The following SDK1 variants were observed in gnomAD, a reference collection of about 807,000 sequenced individuals.
The protein encoded by SDK1 is sidekick cell adhesion molecule 1.
Under a neutral mutation model 245.5 loss-of-function variants are expected in SDK1, and 157 were observed. That is an observed-to-expected ratio of 0.64 (90% CI 0.56 to 0.73). SDK1 has a LOEUF of 0.73. SDK1 is among the 30% of genes least tolerant of loss of function. The pLI is 0.00. For missense variants in SDK1, 3,583 were observed against 3,002.3 expected, an observed-to-expected ratio of 1.19 and a Z score of -4.52; for synonymous variants, 1,647 against 1,278.5, an observed-to-expected ratio of 1.29 and a Z score of -6.15.
rs1779590456 is a variant in SDK1 at position 4,062,267 on chromosome 7, C to T, written c.2912-5571C>T. Among the ~76,000 whole-genome samples, 3 of 152,028 alleles carry T rather than the reference C, an allele frequency of 2.0e-5. No homozygotes were observed. In the South Asian group the frequency reaches 6.2e-4, roughly 32 times the overall value. ...ACTTAAGGAAACAAAATCAGAAATG[C>T]AAAAGGAGACATTATAACTGATACC... On this transcript the variant is annotated intron_variant, in intron 19 of 44. Transcript: ENST00000404826.
chr7:4,209,993 T>C lies in SDK1; in HGVS notation c.5402-32T>C, dbSNP rs114413870. The C allele has an allele frequency of 2.0e-3, 3,027 of 1,528,748 alleles. 65 individuals are homozygous for C. In the African/African-American group the frequency reaches 0.038, roughly 19 times the overall value. The allele number at this position is 1,528,748 out of a possible 1,614,324, so 94.7% of individuals were successfully genotyped here. A position where few individuals can be genotyped will look rare whatever the true frequency, so the allele number is the denominator to read the frequency against. On this transcript the variant is annotated intron_variant, in intron 37 of 44. Transcript: ENST00000404826. ...TGTATATGATCTATGTAGGAGCCCC[T>C]GTAAAAGTCACTTTGTGTTCTATTC...
intron 42 of SDK1, among the ~76,000 whole-genome samples, chr7:4,241,197 G>A (rs370185736): frequency 1.3e-5 from 2 of 152,162 alleles, no homozygotes; most frequent in African/African-American, 4.8e-5. Flanking sequence ...TAGAACGTTC[G>A]TGTCACCTCA....
At position 4,129,920 on chromosome 7, in the gene SDK1, G is replaced by T. The variant is rs747362513; in HGVS notation, c.3952G>T (p.Ala1318Ser). 9 of 1,613,592 alleles carry T rather than the reference G, an allele frequency of 5.6e-6. No homozygotes were observed. The highest frequency in any genetic ancestry group is 3.3e-5 in the South Asian group (3 of 91,080). The change falls in exon 27 of 45, where the codon GCC (alanine) becomes TCC (serine). Residue 1318 changes from alanine (A) to serine (S), a missense_variant. Physicochemically the swap from Ala to Ser is moderately conservative, Grantham distance 99. Coordinates refer to ENST00000404826, the MANE Select transcript of SDK1 (RefSeq NM_152744.4). Reference sequence around the variant, plus strand: ...GTCGATACCACAGATCCTGTTCCGGGCCAAAGACCTGGATCCCGAGCCCAG... The same window carrying T: ...GTCGATACCACAGATCCTGTTCCGGTCCAAAGACCTGGATCCCGAGCCCAG... ...LILGYKILFR[A>S]KDLDPEPRSH...
chr7:4,158,089 G>A (rs569754381), intron 30 of SDK1, among the ~76,000 whole-genome samples: 3 of 152,178 alleles, frequency 2.0e-5, no homozygotes, highest in Admixed American at 6.5e-5. Flanking sequence ...CCAGTGAGGG[G>A]TTGGCACTGC....
At chr7:4,252,859 T>G (rs1387928461) in intron 44 of SDK1, among the ~76,000 whole-genome samples, 1 of 149,762 alleles carries the variant, frequency 6.7e-6, no homozygotes, top group African/African-American at 2.5e-5. Context: ...TAAGTCAGTG[T>G]CACTCATTTG....
chr7:3,456,567 A>G (rs1397278185), intron 1 of SDK1, among the ~76,000 whole-genome samples: 2 of 152,226 alleles, frequency 1.3e-5, no homozygotes, highest in Admixed American at 1.3e-4. Context: ...TTGTTTTTAA[A>G]AAAATAACTT....
At chr7:3,986,287 C>T (rs1459892897) in intron 13 of SDK1, among the ~76,000 whole-genome samples, 1 of 151,944 alleles carries the variant, frequency 6.6e-6, no homozygotes, top group Non-Finnish European at 1.5e-5. Flanking sequence ...GTGTTCTTTA[C>T]CATTTCCATG....
At chr7:3,941,221 C>T (rs1780356811) in intron 5 of SDK1, among the ~76,000 whole-genome samples, 1 of 152,144 alleles carries the variant, frequency 6.6e-6, no homozygotes, top group African/African-American at 2.4e-5. Flanking sequence ...GTCTTTCTTC[C>T]TCCTCTTAGC....
intron 1 of SDK1, among the ~76,000 whole-genome samples, chr7:3,485,784 A>G (rs563363119): frequency 5.8e-4 from 83 of 141,928 alleles, no homozygotes; most frequent in African/African-American, 2.1e-3. Context: ...CATAAGTGCT[A>G]TTCCCACGTA....
intron 27 of SDK1, among the ~76,000 whole-genome samples, chr7:4,131,845 CAT>C (rs10610302): frequency 0.56 from 85,419 of 151,672 alleles, 24,569 homozygotes; most frequent in East Asian, 0.86. Context: ...TGAGGATACA[CAT>C]GTTATTTCAT....
chr7:3,324,774 A>G (rs1779900564), intron 1 of SDK1, among the ~76,000 whole-genome samples: 1 of 152,000 alleles, frequency 6.6e-6, no homozygotes, highest in South Asian at 2.1e-4. Context: ...TATTTTTTTG[A>G]CCAGTGCTTT....
intron 1 of SDK1, among the ~76,000 whole-genome samples, chr7:3,434,545 A>G (rs999994153): frequency 6.6e-6 from 1 of 152,178 alleles, no homozygotes; most frequent in Non-Finnish European, 1.5e-5. Context: ...ACAGCTCCTT[A>G]AGTATTATCT....
Position 3,720,234 on chromosome 7 carries a change from C to T in SDK1, c.713+78129C>T, listed in dbSNP as rs185762332. Among the ~76,000 whole-genome samples, 195 of 151,754 alleles carry T rather than the reference C, an allele frequency of 1.3e-3. 5 individuals carry two copies. The highest frequency in any genetic ancestry group is 4.5e-3 in the African/African-American group (187 of 41,376). Reference sequence around the variant, plus strand: ...TTGTGCCATTGCACTCCAGCCTGGGCGACAGAGCGAGACTCTGTGTCAAAA... The same window carrying T: ...TTGTGCCATTGCACTCCAGCCTGGGTGACAGAGCGAGACTCTGTGTCAAAA... On this transcript the variant is annotated intron_variant, in intron 4 of 44. Coordinates refer to ENST00000404826, the MANE Select transcript of SDK1 (RefSeq NM_152744.4).
chr7:3,688,016 T>A (rs762980450), intron 4 of SDK1, among the ~76,000 whole-genome samples: 4 of 152,212 alleles, frequency 2.6e-5, no homozygotes, highest in Non-Finnish European at 5.9e-5. Flanking sequence ...TTCCAAAGAT[T>A]AGAGGATTTC....
At chr7:3,338,650 A>C in intron 1 of SDK1, 1 of 203,272 alleles carries the variant, frequency 4.9e-6, no homozygotes, top group Non-Finnish European at 9.9e-6. Context: ...ACACCAAAAC[A>C]AGAAAATACT....
chr7:3,577,883 G>A (rs117229345), intron 1 of SDK1, among the ~76,000 whole-genome samples: 1 of 152,108 alleles, frequency 6.6e-6, no homozygotes, highest in East Asian at 1.9e-4. Flanking sequence ...GTACGCCTTA[G>A]AGGTGTGCGG....
At chr7:3,581,699 A>T (rs1194283336) in intron 1 of SDK1, among the ~76,000 whole-genome samples, 1 of 152,236 alleles carries the variant, frequency 6.6e-6, no homozygotes, top group Admixed American at 6.5e-5. Flanking sequence ...ATATACATGG[A>T]TATTCATTGC....
At chr7:4,222,368 C>A (rs1229856156) in intron 40 of SDK1, among the ~76,000 whole-genome samples, 60 of 152,166 alleles carry the variant, frequency 3.9e-4, no homozygotes, top group Non-Finnish European at 1.5e-5. Context: ...AATCTCAGCT[C>A]CCTGCAATCT....
chr7:3,397,486 C>G (rs888987044), intron 1 of SDK1, among the ~76,000 whole-genome samples: 13 of 151,534 alleles, frequency 8.6e-5, no homozygotes, highest in African/African-American at 2.2e-4. Flanking sequence ...TCTTTCCCCC[C>G]CCCAGCGCTT....
Sources: allele counts gnomAD v4.1 joint callset (sites outside exome capture counted in the v4.1 genomes callset), GRCh38; gene constraint gnomAD v4.1.1; transcripts MANE v1.5; gene names NCBI Gene and HGNC (gene_info 2026-07-23, HGNC 2026-07-21).